Variants in TATDN2 observed in about 807,000 individuals in gnomAD.
TATDN2 encodes the protein 3'-5' RNA nuclease TATDN2.
A neutral mutation model predicts 60.3 loss-of-function variants in TATDN2; 44 were observed. The ratio of observed to expected loss-of-function variants is 0.73; its 90% CI spans 0.57 to 0.94. The LOEUF (loss-of-function observed/expected upper bound fraction) is 0.94. TATDN2 is among the 40% of genes least tolerant of loss of function. The pLI, the probability that TATDN2 is intolerant of heterozygous loss-of-function variation, is 0.00. For synonymous variants in TATDN2, 399 were observed against 355.8 expected, an observed-to-expected ratio of 1.12 and a Z score of -1.37; for missense variants, 997 against 948.0, an observed-to-expected ratio of 1.05 and a Z score of -0.68.
intron 2 of TATDN2, 141 bp from the exon 3 acceptor site, chr3:10,259,996 C>A: frequency 2.1e-6 from 2 of 956,734 alleles, no homozygotes; most frequent in Non-Finnish European, 1.5e-6. Context: ...GCCACTTCAC[C>A]ACCCGGAGAG....
chr3:10,248,952 G>C lies in TATDN2; in HGVS notation c.-122G>C. On this transcript the variant is annotated 5_prime_UTR_variant, in exon 1 of 8. Transcript: ENST00000448281. Reference sequence around the variant, plus strand: ...TCCTGATCTCAGAAGCACGTTGTGGGCTTGGAAACCGACGGCAGCCTTTAG... The same window carrying C: ...TCCTGATCTCAGAAGCACGTTGTGGCCTTGGAAACCGACGGCAGCCTTTAG... 1 of 417,156 alleles carries C rather than the reference G, an allele frequency of 2.4e-6. No homozygotes were observed. 25.8% of individuals were successfully genotyped at this position (417,156 alleles called of 1,614,324 possible). A position where few individuals can be genotyped will look rare whatever the true frequency, so the allele number is the denominator to read the frequency against.
rs769976539 is a variant in TATDN2 at position 10,260,368 on chromosome 3, G to C, written c.646G>C (p.Glu216Gln). The C allele has an allele frequency of 1.2e-6, 2 of 1,614,180 alleles. No homozygotes were observed. Among genetic ancestry groups the C allele is most frequent in the Non-Finnish European group, 1.7e-6 (2 of 1,180,028 alleles). Residue 216 changes from glutamate to glutamine, a missense_variant, in exon 3 of 8, where the codon GAG becomes CAG. Glu to Gln is a conservative substitution (Grantham distance 29). Transcript: ENST00000448281. ...AATRAKPSAA[E>Q]HPSHGEGPAR... ...CACTCGGGCAAAACCAAGCGCAGCAGAGCATCCCAGCCATGGAGAAGGACC... is the reference window on the plus strand; with the variant it reads ...CACTCGGGCAAAACCAAGCGCAGCACAGCATCCCAGCCATGGAGAAGGACC...
Position 10,260,337 on chromosome 3 carries a change from G to T in TATDN2, c.615G>T (p.Glu205Asp). ...AATCGATGCCAAAAAGGAAGGGAGA[G>T]GCTGCCACTCGGGCAAAACCAAGCG... The part of the protein sequence containing the change: ...LGKSMPKRKG[E>D]AATRAKPSAA... Residue 205 changes from glutamate to aspartate, a missense_variant, in exon 3 of 8, where the codon GAG becomes GAT. By Grantham distance (45) the Glu-to-Asp change is conservative (BLOSUM62 2). Coordinates refer to ENST00000448281, the MANE Select transcript of TATDN2 (RefSeq NM_014760.4). 6.2e-7 allele frequency: 1 copy of T among 1,614,162 alleles called. No individual in the cohort carries two copies. Among genetic ancestry groups the T allele is most frequent in the South Asian group, 1.1e-5 (1 of 91,084 alleles).
chr3:10,273,244 A>G (rs1243638820), intron 4 of TATDN2, among the ~76,000 whole-genome samples: 1 of 152,198 alleles, frequency 6.6e-6, no homozygotes. Flanking sequence ...GAGGAAGACT[A>G]GAAAATATTT....
rs1282538556 is a variant in TATDN2 at position 10,278,540 on chromosome 3, C to G, written c.2145+78C>G. ...TGGGTGGTCACCCTTACAAGGTTGG[C>G]AGGGCCAGAGCCCCAGTGACTTCCA... On this transcript the variant is annotated intron_variant, in intron 6 of 7. Coordinates refer to ENST00000448281, the MANE Select transcript of TATDN2 (RefSeq NM_014760.4). The surrounding 1 kb of genome is among the most constrained non-coding windows in gnomAD (Gnocchi z 4.7). 1 of 1,576,178 alleles carries G rather than the reference C, an allele frequency of 6.3e-7. No homozygotes were observed. Among genetic ancestry groups the G allele is most frequent in the East Asian group, 2.2e-5 (1 of 44,556 alleles).
At chr3:10,267,266 C>G (rs1191099281) in intron 3 of TATDN2, among the ~76,000 whole-genome samples, 1 of 151,222 alleles carries the variant, frequency 6.6e-6, no homozygotes, top group Non-Finnish European at 1.5e-5. Flanking sequence ...TCCCCCACAC[C>G]CCCCGACAAA....
intron 5 of TATDN2, among the ~76,000 whole-genome samples, chr3:10,276,882 C>T (rs931757004): frequency 6.4e-4 from 97 of 152,258 alleles, no homozygotes; most frequent in African/African-American, 2.3e-3. Flanking sequence ...CCACCGTGCC[C>T]GGCCTATACA....
At position 10,249,288 on chromosome 3, in the gene TATDN2, T is replaced by C. The variant is rs1351626483; in HGVS notation, c.88T>C (p.Cys30Arg). The C allele has an allele frequency of 6.2e-7, 1 of 1,601,604 alleles. No homozygotes were observed. Among genetic ancestry groups the C allele is most frequent in the East Asian group, 2.2e-5 (1 of 44,550 alleles). Residue 30 changes from cysteine to arginine, a missense_variant, in exon 2 of 8, where the codon TGT (cysteine) becomes CGT (arginine). By Grantham distance (180) the Cys-to-Arg change is radical (BLOSUM62 -3). Coordinates refer to ENST00000448281, the MANE Select transcript of TATDN2 (RefSeq NM_014760.4). The part of the protein sequence containing the change: ...PRKRSCLREP[C>R]DVAPSSRPAQ... ...CAAGCGCAGCTGCCTCCGGGAGCCC[T>C]GTGATGTGGCCCCCTCCAGCCGGCC...
At chr3:10,262,082 CTAAT>C (rs919847891) in intron 3 of TATDN2, among the ~76,000 whole-genome samples, 35 of 152,322 alleles carry the variant, frequency 2.3e-4, no homozygotes, top group Admixed American at 2.1e-3. Flanking sequence ...GTACCTTTCA[CTAAT>C]TAATCCCCAA....
intron 3 of TATDN2, among the ~76,000 whole-genome samples, chr3:10,266,193 A>G (rs931519654): frequency 2.6e-5 from 4 of 152,190 alleles, no homozygotes; most frequent in Non-Finnish European, 4.4e-5. Flanking sequence ...GGTGGGAAGG[A>G]CAAAAACTAT....
chr3:10,261,027 C>A (rs957346068), intron 3 of TATDN2, among the ~76,000 whole-genome samples: 2 of 152,176 alleles, frequency 1.3e-5, no homozygotes, highest in African/African-American at 4.8e-5. Context: ...TCTCTATCAC[C>A]CCTCAACACA....
rs527737296 is a variant in TATDN2 at position 10,273,079 on chromosome 3, G to A, written c.1833+2064G>A. On this transcript the variant is annotated intron_variant, in intron 4 of 7. Transcript: ENST00000448281. ...GTCTGCACTTAAAGGTCCATGGGGC[G>A]ACCTGCACAACAAACTGAACTAGAA... Among the ~76,000 whole-genome samples the A allele has an allele frequency of 4.1e-4, 62 of 152,172 alleles. No homozygotes were observed. The South Asian group carries it at 0.012, about 29-fold the overall frequency.
At position 10,278,289 on chromosome 3, in the gene TATDN2, A is replaced by C. The variant is rs1199061564; in HGVS notation, c.1972A>C (p.Thr658Pro). ...PDYKIHRHCF[T>P]GSYPVIEPLL... ...GAGTTCTGTCTCCAGGCATTGCTTC[A>C]CCGGCAGCTACCCGGTCATTGAGCC... Residue 658 changes from threonine (T) to proline (P), a missense_variant, in exon 6 of 8, where the codon ACC becomes CCC. Coordinates refer to ENST00000448281, the MANE Select transcript of TATDN2 (RefSeq NM_014760.4). The surrounding 1 kb of genome is among the most constrained non-coding windows in gnomAD (Gnocchi z 4.7). 1.9e-6 allele frequency: 3 copies of C among 1,613,430 alleles called. No homozygotes were observed. The highest frequency in any genetic ancestry group is 1.7e-6 in the Non-Finnish European group (2 of 1,179,790).
intron 2 of TATDN2, among the ~76,000 whole-genome samples, chr3:10,255,165 A>G (rs78537477): frequency 0.19 from 28,527 of 151,430 alleles, 3,914 homozygotes; most frequent in East Asian, 0.7. Context: ...GTGCACCACC[A>G]TGCCCAGCTA....
chr3:10,276,267 A>C, intron 4 of TATDN2, 94 bp from the exon 5 acceptor site: 1 of 1,475,828 alleles, frequency 6.8e-7, no homozygotes, highest in East Asian at 2.3e-5. Context: ...AAAAAGAGAG[A>C]CACAGGGGGT....
chr3:10,270,933 G>A lies in TATDN2; in HGVS notation c.1751G>A (p.Arg584Lys). The change falls in exon 4 of 8, where the codon AGG becomes AAG. Residue 584 changes from arginine (R) to lysine (K), a missense_variant. By Grantham distance (26) the Arg-to-Lys change is conservative (BLOSUM62 2). Coordinates refer to ENST00000448281, the MANE Select transcript of TATDN2 (RefSeq NM_014760.4). ...GAAAGAAATCTTTTGCAAGCCTTAA[G>A]GCACCCTAAGGCTGTGGCATTTGGA... Reference protein sequence around the residue: ...SQERNLLQALRHPKAVAFGEM... With the variant: ...SQERNLLQALKHPKAVAFGEM... The A allele has an allele frequency of 6.2e-7, 1 of 1,613,988 alleles. No individual in the cohort carries two copies. Among genetic ancestry groups the A allele is most frequent in the Non-Finnish European group, 8.5e-7 (1 of 1,179,966 alleles).
At chr3:10,275,865 T>A (rs1023577519) in intron 4 of TATDN2, among the ~76,000 whole-genome samples, 4 of 152,206 alleles carry the variant, frequency 2.6e-5, no homozygotes, top group African/African-American at 9.6e-5. Context: ...TTGCTGGAGA[T>A]GCACACAAAC....
In TATDN2 at chr3:10,278,691, G is replaced by A. The variant is rs1231399761; in HGVS notation, c.2146-194G>A. On this transcript the variant is annotated intron_variant, in intron 6 of 7. Coordinates refer to ENST00000448281, the MANE Select transcript of TATDN2 (RefSeq NM_014760.4). This position sits in a 1 kb window ranked among gnomAD's most constrained non-coding sequence, Gnocchi z 4.7. ...AGTGCAAAGCCCTACCCTGTAGAGG[G>A]TAGTCCAAGGAAGCGTGGGACCCTG... The A allele has an allele frequency of 1.4e-5, 14 of 988,056 alleles. No individual in the cohort carries two copies. Among genetic ancestry groups the A allele is most frequent in the Non-Finnish European group, 2.2e-5 (14 of 645,012 alleles). 61.2% of individuals were successfully genotyped at this position (988,056 alleles called of 1,614,324 possible).
chr3:10,265,478 G>T (rs1233744683), intron 3 of TATDN2, among the ~76,000 whole-genome samples: 1 of 151,024 alleles, frequency 6.6e-6, no homozygotes, highest in Non-Finnish European at 1.5e-5. Flanking sequence ...TCAGGAGATC[G>T]AGACCATCCT....
Sources: gnomAD v4.1 joint callset for allele counts (sites outside exome capture counted in the v4.1 genomes callset) on GRCh38, gnomAD v4.1.1 for gene constraint, Gnocchi (gnomAD v3.1) non-coding constraint, MANE v1.5 for transcripts, NCBI Gene and HGNC (gene_info 2026-07-23, HGNC 2026-07-21) for gene names.